The following BTBD9 variants were observed in gnomAD, a reference collection of about 807,000 sequenced individuals.
BTBD9 encodes the protein BTB/POZ domain-containing protein 9.
A neutral mutation model predicts 64.3 loss-of-function variants in BTBD9; 49 were observed. The ratio of observed to expected loss-of-function variants is 0.76; its 90% CI spans 0.61 to 0.97. The LOEUF (loss-of-function observed/expected upper bound fraction) is 0.97. BTBD9 is among the 50% of genes least tolerant of loss of function. The probability of loss-of-function intolerance (pLI) is 0.00; values close to 1 mark genes in which losing one functional copy is unlikely to be tolerated. For missense variants in BTBD9, 598 were observed against 762.1 expected (o/e 0.78, Z 2.53); for synonymous variants, 260 against 274.7 (o/e 0.95, Z 0.53).
At chr6:38,232,970 G>A (rs1215691584) in intron 9 of BTBD9, among the ~76,000 whole-genome samples, 1 of 152,128 alleles carries the variant, frequency 6.6e-6, no homozygotes, top group Non-Finnish European at 1.5e-5. Flanking sequence ...TGAGGAGCTG[G>A]GCCAACTGGA....
chr6:38,299,578 G>A (rs1762305228), intron 7 of BTBD9, among the ~76,000 whole-genome samples: 2 of 152,120 alleles, frequency 1.3e-5, no homozygotes, highest in Admixed American at 6.5e-5. Flanking sequence ...ATCTCATTGT[G>A]GTTTTGATTT....
At chr6:38,421,242 G>C (rs771666204) in intron 6 of BTBD9, among the ~76,000 whole-genome samples, 1 of 152,044 alleles carries the variant, frequency 6.6e-6, no homozygotes, top group African/African-American at 2.4e-5. Context: ...TGTAATCCCA[G>C]CTATTAGGGA....
intron 1 of BTBD9, among the ~76,000 whole-genome samples, chr6:38,617,119 C>T (rs1777819201): frequency 6.6e-6 from 1 of 152,180 alleles, no homozygotes; most frequent in Admixed American, 6.5e-5. Context: ...GGGTGTCAGG[C>T]TTTCTAGGAA....
chr6:38,246,017 C>T (rs557484794), intron 9 of BTBD9, among the ~76,000 whole-genome samples: 1 of 152,232 alleles, frequency 6.6e-6, no homozygotes, highest in East Asian at 1.9e-4. Context: ...TCTTCCTGAT[C>T]ATTTGCTACC....
chr6:38,256,339 T>G, intron 9 of BTBD9, 70 bp downstream of exon 9: 1 of 1,141,356 alleles, frequency 8.8e-7, no homozygotes, highest in South Asian at 1.3e-5. Flanking sequence ...GAATTTTCTT[T>G]TGAGCCTCCC....
intron 6 of BTBD9, among the ~76,000 whole-genome samples, chr6:38,437,845 T>A (rs1284039129): frequency 2.0e-5 from 3 of 151,714 alleles, no homozygotes; most frequent in Admixed American, 6.6e-5. Context: ...TGGTCAAGTC[T>A]TTTTTCTGGG....
chr6:38,542,743 G>T (rs1774345397), intron 6 of BTBD9, among the ~76,000 whole-genome samples: 1 of 152,160 alleles, frequency 6.6e-6, no homozygotes, highest in Non-Finnish European at 1.5e-5. Context: ...ACCTGGGCGG[G>T]ACTCAGGAGA....
intron 9 of BTBD9, among the ~76,000 whole-genome samples, chr6:38,219,248 C>T (rs1028802672): frequency 2.7e-5 from 4 of 150,698 alleles, no homozygotes; most frequent in African/African-American, 9.8e-5. Context: ...AATTCCCCCA[C>T]CTCAGCCTCC....
chr6:38,471,305 G>T (rs904932373), intron 6 of BTBD9, among the ~76,000 whole-genome samples: 2 of 152,138 alleles, frequency 1.3e-5, no homozygotes, highest in African/African-American at 4.8e-5. Context: ...GCAACTTTGG[G>T]TTTACTAGGT....
At chr6:38,608,268 C>T (rs1777495900) in intron 1 of BTBD9, among the ~76,000 whole-genome samples, 1 of 152,224 alleles carries the variant, frequency 6.6e-6, no homozygotes, top group Admixed American at 6.5e-5. Context: ...ATACTCTCAG[C>T]CTTATTGGTC....
intron 9 of BTBD9, among the ~76,000 whole-genome samples, chr6:38,231,772 A>T (rs1258574307): frequency 6.6e-6 from 1 of 152,226 alleles, no homozygotes; most frequent in Non-Finnish European, 1.5e-5. Flanking sequence ...TGGGAGAAAG[A>T]CAGGACCAAA....
chr6:38,328,529 C>A (rs547432447), intron 7 of BTBD9, among the ~76,000 whole-genome samples: 1 of 147,362 alleles, frequency 6.8e-6, no homozygotes, highest in African/African-American at 2.6e-5. Flanking sequence ...GCCTCCAGAA[C>A]TGTGAAAAAA....
intron 6 of BTBD9, among the ~76,000 whole-genome samples, chr6:38,566,955 C>T (rs544495621): frequency 3.3e-5 from 5 of 152,272 alleles, no homozygotes; most frequent in South Asian, 4.1e-4. Flanking sequence ...CTCTAACAGT[C>T]CTTCTAATTT....
At position 38,198,768 on chromosome 6, in the gene BTBD9, C is replaced by A. The variant is rs79699826; in HGVS notation, c.1563-6171G>T. ...ATGCATTCTTTCCACTAAAATGGCA[C>A]TAAAGAAATATTTGTTTCCCATCAA... On this transcript the variant is annotated intron_variant, in intron 9 of 10. Transcript: ENST00000481247. 6.0e-3 allele frequency among the ~76,000 whole-genome samples: 908 copies of A among 152,230 alleles called. 1 individual carries two copies. Among genetic ancestry groups the A allele is most frequent in the Middle Eastern group, 0.024 (7 of 294 alleles).
chr6:38,477,891 T>A (rs188979527), intron 6 of BTBD9, among the ~76,000 whole-genome samples: 12 of 152,272 alleles, frequency 7.9e-5, no homozygotes, highest in African/African-American at 2.9e-4. Context: ...GCAGCATGGT[T>A]TAGTGGAAAG....
At chr6:38,520,444 G>C (rs1044504713) in intron 6 of BTBD9, among the ~76,000 whole-genome samples, 1 of 152,134 alleles carries the variant, frequency 6.6e-6, no homozygotes, top group East Asian at 1.9e-4. Context: ...CTGGGAGACA[G>C]AGCAAGACTC....
chr6:38,449,459 A>C (rs533006924), intron 6 of BTBD9, among the ~76,000 whole-genome samples: 1 of 152,334 alleles, frequency 6.6e-6, no homozygotes, highest in African/African-American at 2.4e-5. Context: ...CCTAGAAATA[A>C]ATCCACACAT....
At chr6:38,487,592 CG>C (rs1562252291) in intron 6 of BTBD9, among the ~76,000 whole-genome samples, 7,976 of 122,820 alleles carry the variant, frequency 0.065, 604 homozygotes, top group East Asian at 0.36. Flanking sequence ...AGAGAGTCAG[CG>C]AGAGAGAGAG....
chr6:38,246,781 C>T (rs1764223414), intron 9 of BTBD9, among the ~76,000 whole-genome samples: 1 of 152,186 alleles, frequency 6.6e-6, no homozygotes, highest in Non-Finnish European at 1.5e-5. Context: ...AACAAGCAAA[C>T]ATACTCCTCC....
Sources: gnomAD v4.1 joint callset for allele counts (sites outside exome capture counted in the v4.1 genomes callset) on GRCh38, gnomAD v4.1.1 for gene constraint, MANE v1.5 for transcripts, NCBI Gene and HGNC (gene_info 2026-07-23, HGNC 2026-07-21) for gene names.